MACROD2: variants seen among roughly 807,000 people sequenced by gnomAD.
MACROD2 encodes ADP-ribose glycohydrolase MACROD2.
Under a neutral mutation model 70.4 loss-of-function variants are expected in MACROD2, and 36 were observed. The ratio of observed to expected loss-of-function variants is 0.51; its 90% CI spans 0.39 to 0.68. The LOEUF (loss-of-function observed/expected upper bound fraction) is 0.68. MACROD2 is among the 30% of genes least tolerant of loss of function. The pLI, the probability that MACROD2 is intolerant of heterozygous loss-of-function variation, is 0.00. For synonymous variants in MACROD2, 172 were observed against 178.8 expected (o/e 0.96, Z 0.30); for missense variants, 496 against 538.4 (o/e 0.92, Z 0.78).
intron 10 of MACROD2, among the ~76,000 whole-genome samples, chr20:15,899,253 C>A (rs942595651): frequency 6.6e-6 from 1 of 151,866 alleles, no homozygotes; most frequent in Non-Finnish European, 1.5e-5. Context: ...TATATGTACA[C>A]ACGTGTATAT....
intron 3 of MACROD2, among the ~76,000 whole-genome samples, chr20:14,274,679 T>A (rs1406626709): frequency 6.6e-6 from 1 of 152,110 alleles, no homozygotes; most frequent in Non-Finnish European, 1.5e-5. Context: ...ATAAAGTGTA[T>A]TCAATTAGGA....
chr20:15,108,786 T>C (rs941867426), intron 5 of MACROD2, among the ~76,000 whole-genome samples: 1 of 152,168 alleles, frequency 6.6e-6, no homozygotes, highest in African/African-American at 2.4e-5. Context: ...AGAAGAGTGA[T>C]AGTCTCACCA....
At chr20:15,829,254 T>C (rs562561920) in intron 8 of MACROD2, among the ~76,000 whole-genome samples, 12 of 152,264 alleles carry the variant, frequency 7.9e-5, no homozygotes, top group African/African-American at 2.6e-4. Context: ...CATCTTATAC[T>C]CAGATTTTAC....
chr20:14,699,068 G>A (rs892659706), intron 5 of MACROD2, among the ~76,000 whole-genome samples: 2 of 151,972 alleles, frequency 1.3e-5, no homozygotes, highest in East Asian at 1.9e-4. Context: ...AATAGTGTCC[G>A]GATGAAATAA....
intron 8 of MACROD2, among the ~76,000 whole-genome samples, chr20:15,742,586 C>T (rs1164378551): frequency 6.6e-6 from 1 of 152,154 alleles, no homozygotes; most frequent in Non-Finnish European, 1.5e-5. Flanking sequence ...TTTTACTAAA[C>T]TTTGTTGCCA....
At chr20:15,128,813 A>T (rs2076084658) in intron 5 of MACROD2, among the ~76,000 whole-genome samples, 1 of 149,290 alleles carries the variant, frequency 6.7e-6, no homozygotes, top group Non-Finnish European at 1.5e-5. Flanking sequence ...CCTTTGAAGG[A>T]TGGTTAGTTT....
intron 5 of MACROD2, among the ~76,000 whole-genome samples, chr20:14,706,484 T>C (rs956637194): frequency 1.3e-5 from 2 of 152,180 alleles, no homozygotes; most frequent in Non-Finnish European, 2.9e-5. Flanking sequence ...AAGACTTCAG[T>C]ACCTGAGGGT....
At chr20:15,322,962 C>T (rs1333612894) in intron 6 of MACROD2, among the ~76,000 whole-genome samples, 1 of 143,964 alleles carries the variant, frequency 6.9e-6, no homozygotes, top group Non-Finnish European at 1.6e-5. Context: ...CTGGTCCTGC[C>T]TCTCTGTCAG....
At chr20:14,843,799 A>T (rs533921536) in intron 5 of MACROD2, among the ~76,000 whole-genome samples, 21 of 152,198 alleles carry the variant, frequency 1.4e-4, no homozygotes, top group Admixed American at 2.0e-4. Flanking sequence ...CTTTGCCATG[A>T]GACTGTACTT....
chr20:14,008,047 C>T (rs1319945938), intron 2 of MACROD2, among the ~76,000 whole-genome samples: 1 of 152,068 alleles, frequency 6.6e-6, no homozygotes, highest in Non-Finnish European at 1.5e-5. Flanking sequence ...AAGCATTCCC[C>T]TTGAAAACGA....
intron 6 of MACROD2, among the ~76,000 whole-genome samples, chr20:15,352,570 GCCATTT>G (rs1198447088): frequency 2.0e-5 from 3 of 152,030 alleles, no homozygotes; most frequent in African/African-American, 7.3e-5. Flanking sequence ...GCAAGAATAT[GCCATTT>G]TACATATTTT....
chr20:14,685,509 G>A (rs1021709431), intron 5 of MACROD2, among the ~76,000 whole-genome samples: 2 of 152,136 alleles, frequency 1.3e-5, no homozygotes, highest in African/African-American at 2.4e-5. Context: ...CTTTGAATGC[G>A]GAATGGTCAA....
chr20:16,037,678 A>T (rs1039198656), intron 15 of MACROD2, among the ~76,000 whole-genome samples: 2 of 151,944 alleles, frequency 1.3e-5, no homozygotes, highest in African/African-American at 4.8e-5. Flanking sequence ...TATTGAAAAA[A>T]TTAAATGACC....
At chr20:14,278,300 C>T (rs1302685872) in intron 3 of MACROD2, among the ~76,000 whole-genome samples, 2 of 152,162 alleles carry the variant, frequency 1.3e-5, no homozygotes, top group Non-Finnish European at 2.9e-5. Flanking sequence ...CATGCACGCA[C>T]ACACTGACAA....
intron 8 of MACROD2, among the ~76,000 whole-genome samples, chr20:15,806,817 A>G (rs1301771892): frequency 2.0e-5 from 3 of 152,338 alleles, no homozygotes; most frequent in East Asian, 3.9e-4. Context: ...AAGAAACTCT[A>G]TGACCTTAAT....
chr20:14,394,900 G>T lies in MACROD2; in HGVS notation c.272-98579G>T, dbSNP rs114601544. On this transcript the variant is annotated intron_variant, in intron 3 of 17. Coordinates refer to ENST00000684519, the MANE Select transcript of MACROD2 (RefSeq NM_001351661.2). Reference sequence around the variant, plus strand: ...GTTGATATGGTGAATTATATGGGTTGACCTTTGAATGTTAAACCATCATTA... The same window carrying T: ...GTTGATATGGTGAATTATATGGGTTTACCTTTGAATGTTAAACCATCATTA... 7.4e-3 allele frequency among the ~76,000 whole-genome samples: 1,123 copies of T among 152,218 alleles called. 13 individuals carry two copies. Among genetic ancestry groups the T allele is most frequent in the African/African-American group, 0.026 (1,079 of 41,528 alleles).
At chr20:15,154,051 T>C (rs1259495573) in intron 5 of MACROD2, among the ~76,000 whole-genome samples, 1 of 152,184 alleles carries the variant, frequency 6.6e-6, no homozygotes, top group Non-Finnish European at 1.5e-5. Context: ...CAATAGACTA[T>C]CCCCTACCTG....
At chr20:15,277,514 C>T (rs998955203) in intron 6 of MACROD2, among the ~76,000 whole-genome samples, 2 of 152,202 alleles carry the variant, frequency 1.3e-5, no homozygotes, top group African/African-American at 2.4e-5. Context: ...GTTTCTCAAA[C>T]TTAATGTTTG....
chr20:14,882,579 T>G (rs1600762982), intron 5 of MACROD2, among the ~76,000 whole-genome samples: 2 of 152,336 alleles, frequency 1.3e-5, no homozygotes, highest in Admixed American at 1.3e-4. Context: ...AACTCATCCC[T>G]TCTCTTTGCT....
Sources: gnomAD v4.1 joint callset for allele counts (sites outside exome capture counted in the v4.1 genomes callset) on GRCh38, gnomAD v4.1.1 for gene constraint, MANE v1.5 for transcripts, NCBI Gene and HGNC (gene_info 2026-07-23, HGNC 2026-07-21) for gene names.